The following DDX6 variants were observed in gnomAD, a reference collection of about 807,000 sequenced individuals.
The protein encoded by DDX6 is DEAD-box helicase 6, also known as probable ATP-dependent RNA helicase DDX6.
A neutral mutation model predicts 60.6 loss-of-function variants in DDX6; 7 were observed. That is an observed-to-expected ratio of 0.12 (90% CI 0.07 to 0.22). DDX6 has a LOEUF of 0.22. DDX6 is among the 10% of genes least tolerant of loss of function. The pLI, the probability that DDX6 is intolerant of heterozygous loss-of-function variation, is 1.00. For missense variants in DDX6, 270 were observed against 589.9 expected, an observed-to-expected ratio of 0.46 and a Z score of 5.62; for synonymous variants, 207 against 201.0, an observed-to-expected ratio of 1.03 and a Z score of -0.25.
At chr11:118,766,103 T>A (rs1339570907) in intron 5 of DDX6, among the ~76,000 whole-genome samples, 3 of 151,962 alleles carry the variant, frequency 2.0e-5, no homozygotes, top group Non-Finnish European at 4.4e-5. Flanking sequence ...ACACTGCCCC[T>A]TATAATCTAG....
At chr11:118,752,259 G>GGCAACCC (rs1219410245) in intron 13 of DDX6, among the ~76,000 whole-genome samples, 162 bp from the exon 14 acceptor site, 2 of 152,154 alleles carry the variant, frequency 1.3e-5, no homozygotes, top group Non-Finnish European at 2.9e-5. Context: ...ATTTCTGGTA[G>GGCAACCC]GCAACCCTGA....
intron 2 of DDX6, among the ~76,000 whole-genome samples, chr11:118,782,959 A>C (rs1034703904): frequency 6.6e-6 from 1 of 152,224 alleles, no homozygotes; most frequent in Non-Finnish European, 1.5e-5. Flanking sequence ...AGCCTGTATC[A>C]TCGAAGTTTC....
At chr11:118,790,058 T>A (rs1016977153) in intron 1 of DDX6, 1 of 152,214 alleles carries the variant, frequency 6.6e-6, no homozygotes, top group Non-Finnish European at 1.5e-5. Context: ...AGTATCGTCA[T>A]CGCCAACAAG....
At chr11:118,769,562 G>C (rs1261819301) in intron 4 of DDX6, among the ~76,000 whole-genome samples, 1 of 152,232 alleles carries the variant, frequency 6.6e-6, no homozygotes, top group South Asian at 2.1e-4. Context: ...TACAAAGAGA[G>C]GTCAGGAGTT....
chr11:118,769,958 T>A (rs549541367), intron 4 of DDX6, among the ~76,000 whole-genome samples: 1 of 151,898 alleles, frequency 6.6e-6, no homozygotes, highest in Non-Finnish European at 1.5e-5. Context: ...TCCACCCGCT[T>A]TGGCCTCCCA....
chr11:118,755,025 A>C, intron 12 of DDX6, 138 bp from the exon 13 acceptor site: 1 of 786,192 alleles, frequency 1.3e-6, no homozygotes, highest in African/African-American at 1.8e-5. Context: ...ACAACTTCTT[A>C]ATGGTCTTCA....
intron 7 of DDX6, 57 bp from the exon 8 acceptor site, chr11:118,760,101 G>GT: frequency 6.7e-7 from 1 of 1,500,630 alleles, no homozygotes; most frequent in Non-Finnish European, 9.0e-7. Flanking sequence ...TAAGGTCTTG[G>GT]TTAATACATG....
At chr11:118,777,840 G>C (rs1216344604) in intron 4 of DDX6, among the ~76,000 whole-genome samples, 6 of 138,628 alleles carry the variant, frequency 4.3e-5, no homozygotes, top group Non-Finnish European at 9.1e-5. Context: ...GGTGAGCCAA[G>C]ATCATGCCAC....
Position 118,765,372 on chromosome 11 carries a change from G to T in DDX6, c.500-17C>A. On this transcript the variant is annotated splice_polypyrimidine_tract_variant and intron_variant, in intron 5 of 13. Coordinates refer to ENST00000534980, the MANE Select transcript of DDX6 (RefSeq NM_004397.6). ...TCACCATTGCTGAAACAGTATCAAG[G>T]AATATATAAGAAAATATGGGGTGAG... The T allele has an allele frequency of 1.2e-6, 2 of 1,613,100 alleles. No individual in the cohort carries two copies. The highest frequency in any genetic ancestry group is 1.7e-6 in the Non-Finnish European group (2 of 1,179,216).
chr11:118,774,394 T>C (rs782354624), intron 4 of DDX6, among the ~76,000 whole-genome samples: 16 of 151,784 alleles, frequency 1.1e-4, no homozygotes, highest in Non-Finnish European at 1.9e-4. Flanking sequence ...GTAGTATATC[T>C]GGTTCCAGCC....
chr11:118,777,864 C>CTCTGACAG (rs1861751609), intron 4 of DDX6, among the ~76,000 whole-genome samples: 1 of 141,694 alleles, frequency 7.1e-6, no homozygotes, highest in East Asian at 2.1e-4. Context: ...ACTCCAGCCT[C>CTCTGACAG]TCTGACAGAG....
At position 118,751,712 on chromosome 11, in the gene DDX6, T is replaced by C; in HGVS notation, c.*393A>G. On this transcript the variant is annotated 3_prime_UTR_variant, in exon 14 of 14. Transcript: ENST00000534980. Reference sequence around the variant, plus strand: ...AAACGGATGAGGAATCAGGGAGAAGTTGAAATGCACGAGAGTCAGCTGTTG... The same window carrying C: ...AAACGGATGAGGAATCAGGGAGAAGCTGAAATGCACGAGAGTCAGCTGTTG... 3.6e-6 allele frequency: 1 copy of C among 281,074 alleles called. No individual in the cohort carries two copies. The highest frequency in any genetic ancestry group is 3.2e-5 in the South Asian group (1 of 31,168). The allele number at this position is 281,074 out of a possible 1,614,324, so 17.4% of individuals were successfully genotyped here.
chr11:118,787,400 C>G (rs1054206317), intron 1 of DDX6: 6 of 151,958 alleles, frequency 3.9e-5, no homozygotes, highest in African/African-American at 1.5e-4. Context: ...ACCCAGGAGG[C>G]GGAGGTTGCA....
At chr11:118,772,258 T>C (rs1182578543) in intron 4 of DDX6, among the ~76,000 whole-genome samples, 1 of 152,112 alleles carries the variant, frequency 6.6e-6, no homozygotes. Flanking sequence ...CCCAAATGTC[T>C]ACCAACTGAT....
intron 4 of DDX6, among the ~76,000 whole-genome samples, chr11:118,775,442 A>G (rs549706352): frequency 2.8e-4 from 42 of 152,294 alleles, no homozygotes; most frequent in South Asian, 1.0e-3. Context: ...TAAAATCCTA[A>G]TATTTGTGAC....
intron 5 of DDX6, among the ~76,000 whole-genome samples, chr11:118,766,379 A>G (rs1555161281): frequency 1.3e-5 from 2 of 152,154 alleles, no homozygotes; most frequent in African/African-American, 4.8e-5. Flanking sequence ...GACTGCATTA[A>G]GCTATGATCA....
At chr11:118,756,359 T>C (rs782729363) in intron 10 of DDX6, 36 bp from the exon 11 acceptor site, 8 of 1,509,152 alleles carry the variant, frequency 5.3e-6, no homozygotes, top group African/African-American at 1.4e-5. Flanking sequence ...TGATTAACAC[T>C]CATATACAGC....
chr11:118,763,297 A>G lies in DDX6; in HGVS notation c.656T>C (p.Val219Ala), dbSNP rs2137451873. 6.2e-7 allele frequency: 1 copy of G among 1,611,546 alleles called. No individual in the cohort carries two copies. The highest frequency in any genetic ancestry group is 2.2e-5 in the East Asian group (1 of 44,852). ...IMRLDDTVHV[V>A]IATPGRILDL... ...CAGGATTCTCCCAGGGGTAGCAATC[A>G]CCACGTGCACTATGCAAGATTTAGA... Residue 219 changes from valine (V) to alanine (A), a missense_variant, in exon 7 of 14, where the codon GTG (valine) becomes GCG (alanine). Val to Ala is a moderately conservative substitution (Grantham distance 64, BLOSUM62 0). Transcript: ENST00000534980.
intron 4 of DDX6, among the ~76,000 whole-genome samples, chr11:118,771,235 A>T (rs1172389376): frequency 6.6e-6 from 1 of 152,210 alleles, no homozygotes; most frequent in Admixed American, 6.5e-5. Flanking sequence ...CAGGTTCTTT[A>T]AAGTGTAAAC....
Sources: gnomAD v4.1 joint callset for allele counts (sites outside exome capture counted in the v4.1 genomes callset) on GRCh38, gnomAD v4.1.1 for gene constraint, MANE v1.5 for transcripts, NCBI Gene and HGNC (gene_info 2026-07-23, HGNC 2026-07-21) for gene names.